Variants in KCTD15 observed in about 807,000 individuals in gnomAD.
KCTD15 encodes the protein BTB/POZ domain-containing protein KCTD15.
KCTD15 carries 11 observed loss-of-function variants against 27.2 expected under a neutral mutation model. That is an observed-to-expected ratio of 0.41 (90% CI 0.25 to 0.67). The LOEUF is 0.67. KCTD15 is among the 30% of genes least tolerant of loss of function. KCTD15 has a pLI of 0.35. For synonymous variants in KCTD15, 163 were observed against 176.0 expected, an observed-to-expected ratio of 0.93 and a Z score of 0.58; for missense variants, 350 against 409.3, an observed-to-expected ratio of 0.86 and a Z score of 1.25.
At chr19:33,800,636 C>A in intron 3 of KCTD15, 116 bp downstream of exon 3, 1 of 904,280 alleles carries the variant, frequency 1.1e-6, no homozygotes, top group Non-Finnish European at 1.7e-6. Flanking sequence ...TGGCTGTTGA[C>A]TGGCTGTAGG....
At chr19:33,802,030 C>G (rs1243232346) in intron 4 of KCTD15, among the ~76,000 whole-genome samples, 4 of 152,142 alleles carry the variant, frequency 2.6e-5, no homozygotes, top group Non-Finnish European at 5.9e-5. Context: ...TATAGGCTGC[C>G]CAGGCCCTTG....
intron 5 of KCTD15, among the ~76,000 whole-genome samples, chr19:33,810,397 T>C (rs1975856475): frequency 1.3e-5 from 2 of 152,160 alleles, no homozygotes; most frequent in Non-Finnish European, 2.9e-5. Flanking sequence ...GTCCATTTTA[T>C]ACATAAGGGA....
At position 33,801,271 on chromosome 19, in the gene KCTD15, T is replaced by C; in HGVS notation, c.171T>C (p.Pro57=). The C allele has an allele frequency of 1.2e-6, 2 of 1,613,630 alleles. No homozygotes were observed. The highest frequency in any genetic ancestry group is 1.7e-6 in the Non-Finnish European group (2 of 1,179,810). ...LPAQLTKSNA[P]VHIDVGGHMY... ...CCCAGCTCACCAAGTCCAATGCACC[T>C]GTGCACATCGATGTGGGCGGCCACA... Residue 57 remains proline, a synonymous_variant, in exon 4 of 7, where the codon CCT becomes CCC. Transcript: ENST00000683859.
chr19:33,800,575 C>T, intron 3 of KCTD15, 55 bp downstream of exon 3: 1 of 1,479,814 alleles, frequency 6.8e-7, no homozygotes, highest in Non-Finnish European at 9.2e-7. Flanking sequence ...TTCCCTTCTT[C>T]CCCAGTGCCT....
At chr19:33,805,914 CA>C (rs1227580734) in intron 4 of KCTD15, among the ~76,000 whole-genome samples, 1 of 152,212 alleles carries the variant, frequency 6.6e-6, no homozygotes, top group Non-Finnish European at 1.5e-5. Context: ...GGACAGGCAT[CA>C]GGGGCTCCCC....
In KCTD15 at chr19:33,801,110, A is replaced by AGAAACTCTTGTGTTCCGCTTT. The variant is rs757625244; in HGVS notation, c.67-34_67-14dup. On this transcript the variant is annotated intron_variant, in intron 3 of 6. Transcript: ENST00000683859. ...AAGGGAGTGCATGGCTGTGTTGTGGAGAAACTCTTGTGTTCCGCTTTGAAA... is the reference window on the plus strand; with the variant it reads ...AAGGGAGTGCATGGCTGTGTTGTGGAGAAACTCTTGTGTTCCGCTTTGAAACTCTTGTGTTCCGCTTTGAAA... 4 of 1,502,386 alleles carry AGAAACTCTTGTGTTCCGCTTT rather than the reference A, an allele frequency of 2.7e-6. No homozygotes were observed. In the East Asian group the frequency reaches 6.8e-5, roughly 26 times the overall value. The allele number at this position is 1,502,386 out of a possible 1,614,324, so 93.1% of individuals were successfully genotyped here.
chr19:33,806,795 G>A (rs1975724820), intron 4 of KCTD15, 68 bp from the exon 5 acceptor site: 14 of 1,562,530 alleles, frequency 9.0e-6, no homozygotes, highest in South Asian at 2.3e-5. Flanking sequence ...GAGTGGGGGC[G>A]GGGTGTGGGA....
chr19:33,811,185 C>CAAA, intron 5 of KCTD15, 62 bp from the exon 6 acceptor site: 1 of 546,944 alleles, frequency 1.8e-6, no homozygotes, highest in Non-Finnish European at 3.0e-6. Context: ...CCTCCCCTCT[C>CAAA]CCCCTTCCCC....
intron 5 of KCTD15, among the ~76,000 whole-genome samples, chr19:33,807,252 G>A (rs973709928): frequency 6.6e-6 from 1 of 152,250 alleles, no homozygotes; most frequent in African/African-American, 2.4e-5. Flanking sequence ...TCGTGTTTAA[G>A]GATGGGCGCG....
upstream of KCTD15, chr19:33,796,776 C>T (rs1975328862): frequency 2.6e-5 from 3 of 114,448 alleles, no homozygotes; most frequent in East Asian, 3.0e-4. Flanking sequence ...GGGGAGGCCC[C>T]GGCGCGCCGC....
In KCTD15 at chr19:33,810,537, G is replaced by A. The variant is rs796161877; in HGVS notation, c.388-710G>A. Among the ~76,000 whole-genome samples, 143 of 152,114 alleles carry A rather than the reference G, an allele frequency of 9.4e-4. 1 individual carries two copies. Among genetic ancestry groups the A allele is most frequent in the African/African-American group, 3.2e-3 (132 of 41,514 alleles). On this transcript the variant is annotated intron_variant, in intron 5 of 6. Transcript: ENST00000683859. ...TCTACTAAAAACATAAAAGTTAGCC[G>A]GGTGTGGTGGCAGGCACCTGTAGTC...
At chr19:33,812,495 C>G in intron 6 of KCTD15, 1 of 1,209,030 alleles carries the variant, frequency 8.3e-7, no homozygotes, top group Non-Finnish European at 1.0e-6. Flanking sequence ...GGACCCAAAG[C>G]CTCTTTTTGC....
At chr19:33,812,635 G>C in intron 6 of KCTD15, 155 bp from the exon 7 acceptor site, 1 of 1,337,392 alleles carries the variant, frequency 7.5e-7, no homozygotes, top group Middle Eastern at 2.8e-4. Context: ...CCAGCACGTG[G>C]TTCTGTAGGG....
Position 33,804,928 on chromosome 19 carries a change from TTTTC to T in KCTD15, c.243-1923_243-1920del, listed in dbSNP as rs559812818. ...GCCCATCCACGAGACAGCCTTGCCCTTTTCTTTCTTTCTTTTAAGCGACAGCGTT... is the reference window on the plus strand; with the variant it reads ...GCCCATCCACGAGACAGCCTTGCCCTTTTCTTTCTTTTAAGCGACAGCGTT... On this transcript the variant is annotated intron_variant, in intron 4 of 6. Coordinates refer to ENST00000683859, the MANE Select transcript of KCTD15 (RefSeq NM_001129994.2). 3.5e-4 allele frequency among the ~76,000 whole-genome samples: 53 copies of T among 152,214 alleles called. No homozygotes were observed. In the South Asian group the frequency reaches 8.5e-3, roughly 24 times the overall value.
rs148688234 is a variant in KCTD15, at chr19:33,814,705, G to A, written c.*1757G>A. 2.6e-5 allele frequency: 4 copies of A among 152,326 alleles called. No individual in the cohort carries two copies. The East Asian group carries it at 5.8e-4, about 22-fold the overall frequency. The allele number at this position is 152,326 out of a possible 1,614,324, so 9.4% of individuals were successfully genotyped here. A position where few individuals can be genotyped will look rare whatever the true frequency, so the allele number is the denominator to read the frequency against. ...CCTGCAGTTCACCTAAGCACAGAACGAGATCTCAGTATGCCTCCATGTAAA... is the reference window on the plus strand; with the variant it reads ...CCTGCAGTTCACCTAAGCACAGAACAAGATCTCAGTATGCCTCCATGTAAA... On this transcript the variant is annotated 3_prime_UTR_variant, in exon 7 of 7. Coordinates refer to ENST00000683859, the MANE Select transcript of KCTD15 (RefSeq NM_001129994.2).
chr19:33,806,363 G>A (rs1416570447), intron 4 of KCTD15, among the ~76,000 whole-genome samples: 1 of 152,196 alleles, frequency 6.6e-6, no homozygotes, highest in Non-Finnish European at 1.5e-5. Context: ...TGTTGCACAG[G>A]CCTGTGTGTC....
chr19:33,797,421 G>A, intron 1 of KCTD15: 1 of 454,758 alleles, frequency 2.2e-6, no homozygotes, highest in South Asian at 1.6e-5. Flanking sequence ...ACAAGTCCCG[G>A]CTTGGCGCCC....
At position 33,806,854 on chromosome 19, in the gene KCTD15, C is replaced by G. The variant is rs569195835; in HGVS notation, c.243-9C>G. The G allele has an allele frequency of 1.2e-6, 2 of 1,612,816 alleles. No homozygotes were observed. The highest frequency in any genetic ancestry group is 1.1e-5 in the South Asian group (1 of 90,966). On this transcript the variant is annotated splice_polypyrimidine_tract_variant and intron_variant, in intron 4 of 6. Transcript: ENST00000683859. Reference sequence around the variant, plus strand: ...CCTTCAGACATCCCACCTCGCCTGTCTCTCCCAGGATAAGCCGCCTCTTCA... The same window carrying G: ...CCTTCAGACATCCCACCTCGCCTGTGTCTCCCAGGATAAGCCGCCTCTTCA...
At chr19:33,800,566 T>A (rs1188127349) in intron 3 of KCTD15, 46 bp downstream of exon 3, 2 of 1,521,562 alleles carry the variant, frequency 1.3e-6, no homozygotes, top group Non-Finnish European at 1.8e-6. Flanking sequence ...GTTCCCTCTT[T>A]CCCTTCTTCC....
Sources: gnomAD v4.1 joint callset for allele counts (sites outside exome capture counted in the v4.1 genomes callset) on GRCh38, gnomAD v4.1.1 for gene constraint, MANE v1.5 for transcripts, NCBI Gene and HGNC (gene_info 2026-07-23, HGNC 2026-07-21) for gene names.